LIMCH1: variants seen among roughly 807,000 people sequenced by gnomAD.
The protein encoded by LIMCH1 is LIM and calponin homology domains-containing protein 1.
In LIMCH1, 113 loss-of-function variants were observed where a neutral mutation model predicts 176.5. The observed-to-expected ratio is 0.64, with a 90% CI of 0.55 to 0.75. The LOEUF is 0.75. Among genes scored for constraint, LIMCH1 ranks in the 30% least tolerant of loss-of-function variants. LIMCH1 has a pLI of 0.00. For missense variants in LIMCH1, 1,674 were observed against 1,814.9 expected (o/e 0.92, Z 1.41); for synonymous variants, 619 against 645.9 (o/e 0.96, Z 0.63).
intron 1 of LIMCH1, among the ~76,000 whole-genome samples, chr4:41,393,147 A>G (rs146218260): frequency 2.4e-4 from 36 of 152,382 alleles, no homozygotes; most frequent in African/African-American, 8.4e-4. Flanking sequence ...ACTTTGTGAT[A>G]TGACTACAGA....
At chr4:41,419,073 T>G (rs1276260512) in intron 1 of LIMCH1, among the ~76,000 whole-genome samples, 3 of 152,218 alleles carry the variant, frequency 2.0e-5, no homozygotes, top group Admixed American at 2.0e-4. Context: ...CTTCACAATC[T>G]GCCTCAGTAA....
intron 1 of LIMCH1, among the ~76,000 whole-genome samples, chr4:41,371,872 G>A (rs1033194546): frequency 2.6e-5 from 4 of 152,108 alleles, no homozygotes; most frequent in Non-Finnish European, 2.9e-5. Context: ...TTATAATGTC[G>A]GTTTCTGTAA....
intron 7 of LIMCH1, among the ~76,000 whole-genome samples, chr4:41,621,229 A>G (rs2092556410): frequency 1.3e-5 from 2 of 152,194 alleles, no homozygotes; most frequent in Admixed American, 1.3e-4. Context: ...AAAACAAAGA[A>G]TGGAGTAATT....
Position 41,689,631 on chromosome 4 carries a change from T to C in LIMCH1, c.4271T>C (p.Phe1424Ser). Residue 1424 changes from phenylalanine (F) to serine (S), a missense_variant, in exon 30 of 32, where the codon TTC becomes TCC. This residue lies in a region of LIMCH1 where 1,015 missense variants were observed against 1,102.5 expected (regional missense o/e 0.92). Coordinates refer to ENST00000503057, the MANE Select transcript of LIMCH1 (RefSeq NM_001330672.2). ...AATCTCTATTTTCACATCCAGTGTTTCAGGGTACGTACTTACTGCTTTGCT... is the reference window on the plus strand; with the variant it reads ...AATCTCTATTTTCACATCCAGTGTTCCAGGGTACGTACTTACTGCTTTGCT... Reference protein sequence around the residue: ...TLNLYFHIQCFRCGICKGQLG... With the variant: ...TLNLYFHIQCSRCGICKGQLG... 6.3e-7 allele frequency: 1 copy of C among 1,581,776 alleles called. No individual in the cohort carries two copies. Among genetic ancestry groups the C allele is most frequent in the East Asian group, 2.2e-5 (1 of 44,746 alleles).
chr4:41,643,507 A>G (rs139148989), intron 14 of LIMCH1, among the ~76,000 whole-genome samples: 1 of 152,074 alleles, frequency 6.6e-6, no homozygotes, highest in Non-Finnish European at 1.5e-5. Flanking sequence ...TTTGGTTTCT[A>G]TTTCTGTTTT....
chr4:41,536,281 T>A (rs925726148), upstream of LIMCH1, among the ~76,000 whole-genome samples: 1 of 152,176 alleles, frequency 6.6e-6, no homozygotes, highest in Non-Finnish European at 1.5e-5. Context: ...TCTTAAAACG[T>A]GCCTTCCTCT....
At chr4:41,686,654 T>G (rs1721015887) in intron 28 of LIMCH1, among the ~76,000 whole-genome samples, 1 of 152,210 alleles carries the variant, frequency 6.6e-6, no homozygotes. Flanking sequence ...ACTTAACCTT[T>G]CTCTGCCTCG....
Position 41,619,226 on chromosome 4 carries a change from A to G in LIMCH1, c.244A>G (p.Lys82Glu). The G allele has an allele frequency of 6.2e-7, 1 of 1,614,156 alleles. No homozygotes were observed. Among genetic ancestry groups the G allele is most frequent in the Non-Finnish European group, 8.5e-7 (1 of 1,180,022 alleles). Residue 82 changes from lysine to glutamate, a missense_variant, in exon 6 of 32, where the codon AAG becomes GAG. Transcript: ENST00000503057. The stretch of plus-strand genomic sequence containing the variant: ...CTCTGAATCCGACTTGCCTCATCGG[A>G]AGCTGCCAGATGTGAAGAAGGATGA... Reference protein sequence around the residue: ...SDSESDLPHRKLPDVKKDDMS... With the variant: ...SDSESDLPHRELPDVKKDDMS...
chr4:41,683,226 A>G (rs1211538474), intron 26 of LIMCH1, among the ~76,000 whole-genome samples: 2 of 152,176 alleles, frequency 1.3e-5, no homozygotes, highest in Non-Finnish European at 2.9e-5. Context: ...AATATAAAGC[A>G]TAACCAACTA....
intron 2 of LIMCH1, among the ~76,000 whole-genome samples, chr4:41,513,551 CA>C (rs1327887051): frequency 6.6e-6 from 1 of 152,160 alleles, no homozygotes; most frequent in African/African-American, 2.4e-5. Context: ...TAGAGAGGAA[CA>C]GGGGGACTCC....
intron 18 of LIMCH1, among the ~76,000 whole-genome samples, chr4:41,659,483 T>C (rs924275113): frequency 6.6e-5 from 10 of 152,136 alleles, no homozygotes; most frequent in Admixed American, 5.9e-4. Flanking sequence ...TTCTTTGTTT[T>C]TAAAGAATTC....
intron 23 of LIMCH1, among the ~76,000 whole-genome samples, chr4:41,679,182 G>A (rs1362463904): frequency 1.3e-5 from 2 of 152,290 alleles, no homozygotes; most frequent in Non-Finnish European, 2.9e-5. Flanking sequence ...ATCTGAGTGC[G>A]TGAACCACAC....
chr4:41,419,653 CT>C (rs1483780291), intron 1 of LIMCH1, among the ~76,000 whole-genome samples: 1 of 56,698 alleles, frequency 1.8e-5, no homozygotes, highest in African/African-American at 9.3e-5. Context: ...TTTCTTCCTC[CT>C]TCCTTCCTTC....
chr4:41,501,442 T>A (rs1382824128), intron 2 of LIMCH1, among the ~76,000 whole-genome samples: 1 of 152,234 alleles, frequency 6.6e-6, no homozygotes, highest in Non-Finnish European at 1.5e-5. Flanking sequence ...AAAGATTCCC[T>A]CACTTTTTGG....
chr4:41,671,480 A>T, intron 21 of LIMCH1, 74 bp from the exon 22 acceptor site: 1 of 1,249,732 alleles, frequency 8.0e-7, no homozygotes, highest in Non-Finnish European at 1.2e-6. Context: ...TACTCCACTG[A>T]TAGGTCAAAA....
exon 3 of LIMCH1, chr4:41,524,420 C>A (rs771611278): frequency 6.2e-7 from 1 of 1,613,728 alleles, no homozygotes; most frequent in Non-Finnish European, 8.5e-7. Context: ...TTGCTGAATG[C>A]TATAAAGCCA....
At chr4:41,564,219 G>A (rs2082419083) in intron 1 of LIMCH1, among the ~76,000 whole-genome samples, 1 of 152,170 alleles carries the variant, frequency 6.6e-6, no homozygotes, top group African/African-American at 2.4e-5. Context: ...AGCATGGGAG[G>A]TGAGTAACTT....
rs2051864713 is a variant in LIMCH1 at position 41,360,809 on chromosome 4, C to G, written c.-32C>G. 10 of 1,498,574 alleles carry G rather than the reference C, an allele frequency of 6.7e-6. No individual in the cohort carries two copies. Among genetic ancestry groups the G allele is most frequent in the Admixed American group, 2.2e-5 (1 of 46,100 alleles). The allele number at this position is 1,498,574 out of a possible 1,614,324, so 92.8% of individuals were successfully genotyped here. ...CGGCGACGGCGGCGGCCGTCCTCAT[C>G]CCGGCGCTTGAGAGGACGCGGGGCT... On this transcript the variant is annotated 5_prime_UTR_variant, in exon 1 of 27. Transcript: ENST00000313860. This position sits in a 1 kb window ranked among gnomAD's most constrained non-coding sequence, Gnocchi z 4.5.
chr4:41,483,291 G>C (rs1311813316), intron 1 of LIMCH1, among the ~76,000 whole-genome samples: 1 of 152,086 alleles, frequency 6.6e-6, no homozygotes. Flanking sequence ...TGTTTTTGGT[G>C]GGGGGTGTGG....
Sources: allele counts gnomAD v4.1 joint callset (sites outside exome capture counted in the v4.1 genomes callset), GRCh38; gene constraint gnomAD v4.1.1; regional missense constraint gnomAD v4.1.1; non-coding constraint Gnocchi (gnomAD v3.1); transcripts MANE v1.5; gene names NCBI Gene and HGNC (gene_info 2026-07-23, HGNC 2026-07-21).